Variants in PMPCA observed in about 807,000 individuals in gnomAD.
PMPCA encodes peptidase, mitochondrial processing subunit alpha, also known as mitochondrial-processing peptidase subunit alpha.
PMPCA carries 47 observed loss-of-function variants against 59.3 expected under a neutral mutation model. The ratio of observed to expected loss-of-function variants is 0.79; its 90% CI spans 0.63 to 1.01. PMPCA has a LOEUF of 1.01. Among genes scored for constraint, PMPCA ranks in the 50% least tolerant of loss-of-function variants. The probability of loss-of-function intolerance (pLI) is 0.00; values close to 1 mark genes in which losing one functional copy is unlikely to be tolerated. For missense variants in PMPCA, 726 were observed against 704.5 expected (o/e 1.03, Z -0.34); for synonymous variants, 338 against 290.3 (o/e 1.16, Z -1.67).
chr9:136,418,495 C>CT (rs1173046443), intron 8 of PMPCA, 60 bp from the exon 9 acceptor site: 2 of 1,069,594 alleles, frequency 1.9e-6, no homozygotes, highest in African/African-American at 3.1e-5. Context: ...TCCCTGGCGT[C>CT]TGACGGTGCT....
At chr9:136,422,450 C>G (rs1186542688) in intron 12 of PMPCA, 2 of 1,081,950 alleles carry the variant, frequency 1.8e-6, no homozygotes, top group Non-Finnish European at 2.3e-6. Context: ...GTTGTATGTG[C>G]ATCGGACTCT....
intron 1 of PMPCA, among the ~76,000 whole-genome samples, chr9:136,410,944 C>G (rs143093645): frequency 1.3e-5 from 2 of 152,256 alleles, no homozygotes; most frequent in African/African-American, 4.8e-5. Flanking sequence ...TCTCCTCTCC[C>G]CGGCTGCTGG....
At chr9:136,416,202 C>G in intron 5 of PMPCA, 89 bp from the exon 6 acceptor site, 1 of 951,834 alleles carries the variant, frequency 1.1e-6, no homozygotes, top group East Asian at 2.4e-5. Context: ...ACAGGCGACA[C>G]TCAGGCCAGC....
chr9:136,423,384 G>A lies in PMPCA; in HGVS notation c.*120G>A. Reference sequence around the variant, plus strand: ...TGGTTGTATAAACGGTGCAAACAATGTCGCCACAGCACCCACGCGGTTTGC... The same window carrying A: ...TGGTTGTATAAACGGTGCAAACAATATCGCCACAGCACCCACGCGGTTTGC... On this transcript the variant is annotated 3_prime_UTR_variant, in exon 13 of 13. Transcript: ENST00000371717. The A allele has an allele frequency of 9.8e-7, 1 of 1,020,508 alleles. No individual in the cohort carries two copies. The highest frequency in any genetic ancestry group is 1.4e-6 in the Non-Finnish European group (1 of 710,704). The allele number at this position is 1,020,508 out of a possible 1,614,324, so 63.2% of individuals were successfully genotyped here.
intron 5 of PMPCA, 117 bp from the exon 6 acceptor site, chr9:136,416,174 G>A: frequency 1.4e-6 from 1 of 733,938 alleles, no homozygotes; most frequent in South Asian, 1.6e-5. Flanking sequence ...AGGCAGAGGT[G>A]ACTGCCAACA....
intron 11 of PMPCA, among the ~76,000 whole-genome samples, chr9:136,421,240 C>T (rs1303338793): frequency 6.6e-6 from 1 of 152,206 alleles, no homozygotes; most frequent in African/African-American, 2.4e-5. Context: ...AACTATTTTA[C>T]CTTCTCCCGC....
At chr9:136,410,799 C>T in intron 1 of PMPCA, 60 bp downstream of exon 1, 2 of 1,298,212 alleles carry the variant, frequency 1.5e-6, no homozygotes, top group Non-Finnish European at 9.9e-7. Flanking sequence ...TCTTTCTGGA[C>T]GCTCCGTCTT....
intron 7 of PMPCA, 143 bp downstream of exon 7, chr9:136,417,357 A>T: frequency 1.6e-6 from 1 of 629,204 alleles, no homozygotes; most frequent in East Asian, 2.8e-5. Context: ...GTAGTCCCAC[A>T]GCAGGGCATG....
At position 136,416,986 on chromosome 9, in the gene PMPCA, T is replaced by G; in HGVS notation, c.669T>G (p.Arg223=). Residue 223 remains arginine, a synonymous_variant, in exon 7 of 13, where the codon CGT becomes CGG. Transcript: ENST00000371717. ...GGGAGAACACAGTTGGCCTCCACCG[T>G]TTCTGCCCCACAGAAAACGTAGCAA... ...AYRENTVGLH[R]FCPTENVAKI... 1 of 1,612,270 alleles carries G rather than the reference T, an allele frequency of 6.2e-7. No individual in the cohort carries two copies. Among genetic ancestry groups the G allele is most frequent in the Non-Finnish European group, 8.5e-7 (1 of 1,179,902 alleles).
chr9:136,422,741 C>T (rs139400829), intron 12 of PMPCA: 9 of 1,087,514 alleles, frequency 8.3e-6, no homozygotes, highest in East Asian at 1.3e-4. Flanking sequence ...TCTCTCACCC[C>T]ACCCTTCTGT....
Position 136,418,615 on chromosome 9 carries a change from T to A in PMPCA, c.1051T>A (p.Ser351Thr). 1 of 1,614,038 alleles carries A rather than the reference T, an allele frequency of 6.2e-7. No homozygotes were observed. Among genetic ancestry groups the A allele is most frequent in the Non-Finnish European group, 8.5e-7 (1 of 1,179,914 alleles). Residue 351 changes from serine to threonine, a missense_variant, in exon 9 of 13, where the codon TCG becomes ACG. Physicochemically the swap from Ser to Thr is moderately conservative, Grantham distance 58. Transcript: ENST00000371717. Reference protein sequence around the residue: ...NMMMGGGGSFSAGGPGKGMFS... With the variant: ...NMMMGGGGSFTAGGPGKGMFS... ...GATGATGGGCGGAGGTGGCTCCTTC[T>A]CGGCTGGTGGGCCCGGCAAGGGCAT...
chr9:136,423,016 C>G (rs1402140393), intron 12 of PMPCA, 79 bp from the exon 13 acceptor site: 66 of 1,507,006 alleles, frequency 4.4e-5, no homozygotes, highest in Non-Finnish European at 5.7e-5. Flanking sequence ...CCAGCCGCCC[C>G]CTCCGTGTGT....
At chr9:136,412,339 GCTA>G in intron 2 of PMPCA, 140 bp downstream of exon 2, 1 of 800,040 alleles carries the variant, frequency 1.2e-6, no homozygotes, top group South Asian at 1.5e-5. Flanking sequence ...TAAATGTTGA[GCTA>G]CACATATACC....
chr9:136,417,262 C>G (rs772203893), intron 7 of PMPCA, 48 bp downstream of exon 7: 5 of 1,499,028 alleles, frequency 3.3e-6, no homozygotes, highest in African/African-American at 1.4e-5. Context: ...AACACGTCCC[C>G]TGGCCCGTGG....
chr9:136,415,632 G>C (rs1385840236), intron 5 of PMPCA, among the ~76,000 whole-genome samples: 2 of 152,152 alleles, frequency 1.3e-5, no homozygotes, highest in African/African-American at 4.8e-5. Flanking sequence ...ACATCTGTCT[G>C]TGCCTCTGTT....
At chr9:136,411,330 T>C (rs1228176338) in intron 1 of PMPCA, 1 of 153,602 alleles carries the variant, frequency 6.5e-6, no homozygotes, top group South Asian at 2.0e-4. Context: ...GTAAACAAAA[T>C]ATCGGCAGTC....
rs541329056 is a variant in PMPCA at position 136,422,993 on chromosome 9, T to G, written c.1409-102T>G. ...GCCCCCATCAGCAGCACAGCGTGAG[T>G]GAGTGGTACAGACCAGCCGCCCCCT... On this transcript the variant is annotated intron_variant, in intron 12 of 12. Transcript: ENST00000371717. 79 of 1,472,678 alleles carry G rather than the reference T, an allele frequency of 5.4e-5. 1 individual carries two copies. The South Asian group carries it at 1.0e-3, about 19-fold the overall frequency. The allele number at this position is 1,472,678 out of a possible 1,614,324, so 91.2% of individuals were successfully genotyped here.
chr9:136,419,880 G>T (rs899806296), intron 11 of PMPCA: 2 of 152,070 alleles, frequency 1.3e-5, no homozygotes, highest in Middle Eastern at 3.2e-3. Flanking sequence ...GAGCCACCAT[G>T]CGTCCCTGTT....
intron 4 of PMPCA, among the ~76,000 whole-genome samples, chr9:136,413,720 G>C (rs1835197463): frequency 1.3e-5 from 2 of 152,046 alleles, no homozygotes; most frequent in Non-Finnish European, 2.9e-5. Flanking sequence ...CTCTGGCCAG[G>C]TGGCTGGTGT....
Sources: allele counts gnomAD v4.1 joint callset (sites outside exome capture counted in the v4.1 genomes callset), GRCh38; gene constraint gnomAD v4.1.1; transcripts MANE v1.5; gene names NCBI Gene and HGNC (gene_info 2026-07-23, HGNC 2026-07-21).